Variants in DENND5A observed in about 807,000 individuals in gnomAD.
DENND5A encodes DENN domain-containing protein 5A.
DENND5A carries 64 observed loss-of-function variants against 140.3 expected under a neutral mutation model. The observed-to-expected ratio is 0.46, with a 90% CI of 0.37 to 0.56. The LOEUF is 0.56. DENND5A is among the 20% of genes least tolerant of loss of function. The pLI is 0.00. For synonymous variants in DENND5A, 605 were observed against 607.7 expected (o/e 1.00, Z 0.07); for missense variants, 1,292 against 1,593.8 (o/e 0.81, Z 3.22).
chr11:9,222,259 CATTTT>C (rs1850343437), intron 1 of DENND5A, among the ~76,000 whole-genome samples: 1 of 151,536 alleles, frequency 6.6e-6, no homozygotes, highest in South Asian at 2.1e-4. Flanking sequence ...CCAAACATAT[CATTTT>C]ATTTATAATA....
intron 1 of DENND5A, among the ~76,000 whole-genome samples, chr11:9,211,538 C>T (rs1849878577): frequency 6.6e-6 from 1 of 152,208 alleles, no homozygotes; most frequent in South Asian, 2.1e-4. Flanking sequence ...ATGACCCATT[C>T]TCAAGAGAAG....
intron 5 of DENND5A, among the ~76,000 whole-genome samples, chr11:9,193,051 C>T (rs953413243): frequency 1.3e-5 from 2 of 152,006 alleles, no homozygotes; most frequent in African/African-American, 4.8e-5. Flanking sequence ...ATGGTGAGAC[C>T]CTGCATCTAC....
intron 6 of DENND5A, among the ~76,000 whole-genome samples, chr11:9,179,864 AT>A (rs1277464893): frequency 6.6e-6 from 1 of 152,172 alleles, no homozygotes; most frequent in Non-Finnish European, 1.5e-5. Context: ...TTTTTGAAAA[AT>A]ATCTAGTCTA....
chr11:9,212,514 C>T (rs996141038), intron 1 of DENND5A, among the ~76,000 whole-genome samples: 3 of 151,600 alleles, frequency 2.0e-5, no homozygotes, highest in Non-Finnish European at 4.4e-5. Context: ...AAGAGAGAAC[C>T]TTGAAAAGAG....
chr11:9,152,591 A>G (rs919251790), intron 12 of DENND5A, 149 bp from the exon 13 acceptor site: 1 of 618,598 alleles, frequency 1.6e-6, no homozygotes, highest in African/African-American at 1.8e-5. Flanking sequence ...CAAATATATC[A>G]ATTTACTAAA....
rs1472833353 is a variant in DENND5A at position 9,193,698 on chromosome 11, A to C, written c.950-17T>G. ...TCTGGTAATCTGGGTCAACAACAAC[A>C]AAAAAAGCACACACACAAATCAGTC... On this transcript the variant is annotated splice_polypyrimidine_tract_variant and intron_variant, in intron 4 of 22. Coordinates refer to ENST00000328194, the MANE Select transcript of DENND5A (RefSeq NM_015213.4). The C allele has an allele frequency of 6.3e-7, 1 of 1,583,012 alleles. No homozygotes were observed. The highest frequency in any genetic ancestry group is 8.6e-7 in the Non-Finnish European group (1 of 1,165,364).
At chr11:9,182,337 C>T (rs754871845) in intron 5 of DENND5A, among the ~76,000 whole-genome samples, 2 of 152,032 alleles carry the variant, frequency 1.3e-5, no homozygotes, top group Non-Finnish European at 2.9e-5. Flanking sequence ...TAACAAAAAA[C>T]CCCCACAGTA....
chr11:9,244,416 C>G (rs1408578877), intron 1 of DENND5A, among the ~76,000 whole-genome samples: 1 of 152,062 alleles, frequency 6.6e-6, no homozygotes, highest in African/African-American at 2.4e-5. Context: ...GTTGCCCAAG[C>G]TGGAGTGCAA....
At chr11:9,260,227 A>G (rs771325374) in intron 1 of DENND5A, among the ~76,000 whole-genome samples, 3 of 152,022 alleles carry the variant, frequency 2.0e-5, no homozygotes, top group Non-Finnish European at 2.9e-5. Context: ...TTATATCTCA[A>G]TGCTAGGTGC....
intron 4 of DENND5A, among the ~76,000 whole-genome samples, chr11:9,202,426 G>A (rs1173956470): frequency 1.3e-5 from 2 of 152,118 alleles, no homozygotes; most frequent in Non-Finnish European, 1.5e-5. Flanking sequence ...AACTCTCAAT[G>A]GTTCAGTTAT....
At chr11:9,152,081 C>T (rs1004772554) in intron 13 of DENND5A, among the ~76,000 whole-genome samples, 1 of 152,154 alleles carries the variant, frequency 6.6e-6, no homozygotes, top group African/African-American at 2.4e-5. Flanking sequence ...ACACCAGTAC[C>T]ACAGTAAAAC....
intron 5 of DENND5A, among the ~76,000 whole-genome samples, chr11:9,182,521 G>A (rs912611919): frequency 7.2e-5 from 11 of 152,002 alleles, no homozygotes; most frequent in Non-Finnish European, 1.2e-4. Context: ...CCTCTTTAGC[G>A]GTCTTGTACA....
At chr11:9,232,028 A>G (rs1850794260) in intron 1 of DENND5A, among the ~76,000 whole-genome samples, 1 of 151,988 alleles carries the variant, frequency 6.6e-6, no homozygotes, top group African/African-American at 2.4e-5. Context: ...ACGGCCAAGA[A>G]AAAAAAATGG....
rs1480578669 is a variant in DENND5A, at chr11:9,261,698, A to G, written c.109+3263T>C. Among the ~76,000 whole-genome samples, 3 of 147,926 alleles carry G rather than the reference A, an allele frequency of 2.0e-5. No individual in the cohort carries two copies. The Admixed American group carries it at 2.2e-4, about 11-fold the overall frequency. ...CGGGAGGCTGAGGCAGAATTGCTTG[A>G]ACCTGGGAGACGGAGGTTTCAGTGA... On this transcript the variant is annotated intron_variant, in intron 1 of 22. Transcript: ENST00000328194.
At chr11:9,153,960 G>A (rs1048153145) in intron 12 of DENND5A, among the ~76,000 whole-genome samples, 4 of 152,174 alleles carry the variant, frequency 2.6e-5, no homozygotes, top group African/African-American at 4.8e-5. Flanking sequence ...TCTAATCATC[G>A]TTCAGTACAT....
intron 1 of DENND5A, among the ~76,000 whole-genome samples, chr11:9,254,858 G>A (rs1468042227): frequency 6.6e-6 from 1 of 151,994 alleles, no homozygotes; most frequent in Non-Finnish European, 1.5e-5. Context: ...GGATCATGAG[G>A]TCAAGAGTTC....
At chr11:9,232,647 T>C (rs939484880) in intron 1 of DENND5A, among the ~76,000 whole-genome samples, 1 of 152,170 alleles carries the variant, frequency 6.6e-6, no homozygotes, top group Non-Finnish European at 1.5e-5. Context: ...ACAATCACTA[T>C]GGAAAACTGT....
At chr11:9,234,322 C>CCA (rs1554931940) in intron 1 of DENND5A, among the ~76,000 whole-genome samples, 1 of 151,666 alleles carries the variant, frequency 6.6e-6, no homozygotes, top group African/African-American at 2.4e-5. Flanking sequence ...ATCCCCCCCC[C>CCA]AAAAAAATGA....
intron 16 of DENND5A, among the ~76,000 whole-genome samples, chr11:9,146,460 C>T (rs557085744): frequency 6.6e-6 from 1 of 152,280 alleles, no homozygotes; most frequent in East Asian, 1.9e-4. Context: ...GGGAATTAGA[C>T]CATATTGAAC....
Sources: allele counts gnomAD v4.1 joint callset (sites outside exome capture counted in the v4.1 genomes callset), GRCh38; gene constraint gnomAD v4.1.1; transcripts MANE v1.5; gene names NCBI Gene and HGNC (gene_info 2026-07-23, HGNC 2026-07-21).